RAD9A: variants seen among roughly 807,000 people sequenced by gnomAD.
RAD9A encodes RAD9 checkpoint clamp component A, also known as cell cycle checkpoint control protein RAD9A.
Under a neutral mutation model 41.2 loss-of-function variants are expected in RAD9A, and 25 were observed. That is an observed-to-expected ratio of 0.61 (90% CI 0.44 to 0.85). RAD9A has a LOEUF of 0.85. Ranked by LOEUF, RAD9A falls within the 40% of genes least tolerant of loss-of-function variation. RAD9A has a pLI of 0.00. For missense variants in RAD9A, 514 were observed against 518.3 expected, an observed-to-expected ratio of 0.99 and a Z score of 0.08; for synonymous variants, 252 against 210.6, an observed-to-expected ratio of 1.20 and a Z score of -1.70.
chr11:67,397,630 C>A lies in RAD9A; in HGVS notation c.*71C>A. The A allele has an allele frequency of 7.4e-7, 1 of 1,355,494 alleles. No individual in the cohort carries two copies. Among genetic ancestry groups the A allele is most frequent in the Non-Finnish European group, 1.0e-6 (1 of 979,800 alleles). The allele number at this position is 1,355,494 out of a possible 1,614,324, so 84.0% of individuals were successfully genotyped here. A position where few individuals can be genotyped will look rare whatever the true frequency, so the allele number is the denominator to read the frequency against. On this transcript the variant is annotated 3_prime_UTR_variant, in exon 11 of 11. Transcript: ENST00000307980. ...GCCCCAGCCAGTGGCAGAACTGGGT[C>A]TCTCAGCCCTGGGGATCAGAAAGGT... is the stretch of plus-strand genomic sequence containing the variant.
Position 67,396,136 on chromosome 11 carries a change from C to T in RAD9A, c.695C>T (p.Ala232Val), listed in dbSNP as rs148849003. Residue 232 changes from alanine (A) to valine (V), a missense_variant, in exon 8 of 11, where the codon GCA becomes GTA. Transcript: ENST00000307980. ...GGGCTCCTGAGCTTTGCAGAGTCAGCAAACTTGAATCTTAGCATTCATTTT... is the reference window on the plus strand; with the variant it reads ...GGGCTCCTGAGCTTTGCAGAGTCAGTAAACTTGAATCTTAGCATTCATTTT... ...FRGLLSFAES[A>V]NLNLSIHFDA... The T allele has an allele frequency of 1.1e-4, 184 of 1,614,074 alleles. No homozygotes were observed. The highest frequency in any genetic ancestry group is 8.3e-4 in the South Asian group (76 of 91,080).
chr11:67,396,957 C>T (rs1483980740), intron 9 of RAD9A, among the ~76,000 whole-genome samples: 4 of 152,220 alleles, frequency 2.6e-5, no homozygotes, highest in African/African-American at 9.7e-5. Flanking sequence ...ATGCCTCCCT[C>T]AGGCCCCTAC....
rs932579297 is a variant in RAD9A at position 67,398,020 on chromosome 11, T to C, written c.*461T>C. 5.0e-6 allele frequency: 1 copy of C among 198,730 alleles called. No individual in the cohort carries two copies. The highest frequency in any genetic ancestry group is 1.0e-5 in the Non-Finnish European group (1 of 96,910). 12.3% of individuals were successfully genotyped at this position (198,730 alleles called of 1,614,324 possible). ...CCCCGTGGAGCTGACAAGTTTTCCT[T>C]GCTTTCCTGATACTCTTTGGCGCTG... On this transcript the variant is annotated 3_prime_UTR_variant, in exon 11 of 11. Transcript: ENST00000307980.
At position 67,392,148 on chromosome 11, in the gene RAD9A, C is replaced by T. The variant is rs1251034176; in HGVS notation, c.35-13C>T. The T allele has an allele frequency of 1.2e-6, 2 of 1,610,936 alleles. No homozygotes were observed. Among genetic ancestry groups the T allele is most frequent in the South Asian group, 2.2e-5 (2 of 90,946 alleles). On this transcript the variant is annotated splice_polypyrimidine_tract_variant and intron_variant, in intron 1 of 10. Coordinates refer to ENST00000307980, the MANE Select transcript of RAD9A (RefSeq NM_004584.3). Reference sequence around the variant, plus strand: ...GCCGCCAGCCTAACCCCCTTCCGCTCTTCTCCCCGCAGTGCTCGGCAAGGC... The same window carrying T: ...GCCGCCAGCCTAACCCCCTTCCGCTTTTCTCCCCGCAGTGCTCGGCAAGGC...
At position 67,392,953 on chromosome 11, in the gene RAD9A, G is replaced by A. The variant is rs1259304284; in HGVS notation, c.234+171G>A. On this transcript the variant is annotated intron_variant, in intron 3 of 10. Transcript: ENST00000307980. ...TAAAAGCATCACAGCGGGGACCTGA[G>A]AGGGTGGTGACGCTCAAGTTCGTCA... is the stretch of plus-strand genomic sequence containing the variant. The A allele has an allele frequency of 4.0e-6, 4 of 1,006,296 alleles. No individual in the cohort carries two copies. In the African/African-American group the frequency reaches 6.5e-5, roughly 16 times the overall value. The allele number at this position is 1,006,296 out of a possible 1,614,324, so 62.3% of individuals were successfully genotyped here.
At chr11:67,393,871 T>C in intron 5 of RAD9A, 81 bp downstream of exon 5, 1 of 1,133,638 alleles carries the variant, frequency 8.8e-7, no homozygotes, top group Non-Finnish European at 1.2e-6. Flanking sequence ...TTTTAGAAGG[T>C]ACCTCTTTCA....
intron 5 of RAD9A, chr11:67,395,290 T>C (rs1862648383): frequency 6.0e-6 from 1 of 167,936 alleles, no homozygotes; most frequent in Non-Finnish European, 1.3e-5. Context: ...AGTTTTAGTG[T>C]ATGTGCTGCC....
rs1309872908 is a variant in RAD9A, at chr11:67,393,792, T to C, written c.449+2T>C. 1 of 1,599,858 alleles carries C rather than the reference T, an allele frequency of 6.3e-7. No individual in the cohort carries two copies. The highest frequency in any genetic ancestry group is 1.7e-5 in the Admixed American group (1 of 59,182). ...CCACATGCTCCGCGCCCCAGCACGG[T>C]GAGCACACCCCTGCCCTCAGCTCAG... On this transcript the variant is annotated splice_donor_variant, in intron 5 of 10. Coordinates refer to ENST00000307980, the MANE Select transcript of RAD9A (RefSeq NM_004584.3). LOFTEE classifies it high-confidence loss of function.
Position 67,395,907 on chromosome 11 carries a change from A to G in RAD9A, c.560-5A>G, listed in dbSNP as rs1478395778. 2 of 1,613,918 alleles carry G rather than the reference A, an allele frequency of 1.2e-6. No individual in the cohort carries two copies. The highest frequency in any genetic ancestry group is 8.5e-7 in the Non-Finnish European group (1 of 1,179,994). ...GCCCAGGTTACTCCTGTTCTTCCCCAACAGACAGCACTGCCAAAGCCATGG... is the reference window on the plus strand; with the variant it reads ...GCCCAGGTTACTCCTGTTCTTCCCCGACAGACAGCACTGCCAAAGCCATGG... On this transcript the variant is annotated splice_region_variant and splice_polypyrimidine_tract_variant and intron_variant, in intron 6 of 10. Transcript: ENST00000307980.
At chr11:67,392,569 G>A in intron 2 of RAD9A, 85 bp from the exon 3 acceptor site, 4 of 1,546,164 alleles carry the variant, frequency 2.6e-6, no homozygotes, top group Non-Finnish European at 3.5e-6. Context: ...GGACGATAGG[G>A]CAAGTGTGTG....
intron 9 of RAD9A, among the ~76,000 whole-genome samples, chr11:67,396,692 G>A (rs1266434082): frequency 6.6e-6 from 1 of 152,116 alleles, no homozygotes; most frequent in African/African-American, 2.4e-5. Flanking sequence ...AGGCCAAGGA[G>A]GGAAAGGGCT....
Position 67,397,871 on chromosome 11 carries a change from T to C in RAD9A, c.*312T>C. On this transcript the variant is annotated 3_prime_UTR_variant, in exon 11 of 11. Coordinates refer to ENST00000307980, the MANE Select transcript of RAD9A (RefSeq NM_004584.3). ...CTCCAGCTGGCCAAGGCTGGAAACCTGTCTCCCTCAGGCTCACCTTCCTAA... is the reference window on the plus strand; with the variant it reads ...CTCCAGCTGGCCAAGGCTGGAAACCCGTCTCCCTCAGGCTCACCTTCCTAA... The C allele has an allele frequency of 2.9e-6, 1 of 346,870 alleles. No homozygotes were observed. The highest frequency in any genetic ancestry group is 5.9e-5 in the East Asian group (1 of 16,820). The allele number at this position is 346,870 out of a possible 1,614,324, so 21.5% of individuals were successfully genotyped here. A position where few individuals can be genotyped will look rare whatever the true frequency, so the allele number is the denominator to read the frequency against.
chr11:67,395,638 A>G, intron 5 of RAD9A, 78 bp from the exon 6 acceptor site: 1 of 1,123,198 alleles, frequency 8.9e-7, no homozygotes, highest in South Asian at 1.4e-5. Context: ...TGCATGTGTC[A>G]CCCCCACCTC....
In RAD9A at chr11:67,397,809, T is replaced by G. The variant is rs1036983841; in HGVS notation, c.*250T>G. ...CAGACTTGGCCCTGAACTACTGACG[T>G]TCCTACCTCTTATTTCTCATTGAGC... On this transcript the variant is annotated 3_prime_UTR_variant, in exon 11 of 11. Transcript: ENST00000307980. 2.0e-6 allele frequency: 1 copy of G among 505,410 alleles called. No homozygotes were observed. The highest frequency in any genetic ancestry group is 3.5e-6 in the Non-Finnish European group (1 of 284,446). The allele number at this position is 505,410 out of a possible 1,614,324, so 31.3% of individuals were successfully genotyped here.
At chr11:67,394,086 C>A (rs1035172872) in intron 5 of RAD9A, among the ~76,000 whole-genome samples, 2 of 152,204 alleles carry the variant, frequency 1.3e-5, no homozygotes, top group African/African-American at 4.8e-5. Context: ...CATTCCAACT[C>A]CTCCTCTAGG....
rs764209105 is a variant in RAD9A, at chr11:67,393,588, G to A, written c.327G>A (p.Val109=). ...ISLNGRSSRL[V]VQLHCKFGVR... The stretch of plus-strand genomic sequence containing the variant: ...TGAATGGCCGGAGCAGCCGCCTGGT[G>A]GTCCAGCTGCATTGCAAGTTCGGTG... The change falls in exon 4 of 11, where the codon GTG becomes GTA. Residue 109 remains valine, a synonymous_variant. Coordinates refer to ENST00000307980, the MANE Select transcript of RAD9A (RefSeq NM_004584.3). 1 of 1,614,206 alleles carries A rather than the reference G, an allele frequency of 6.2e-7. No individual in the cohort carries two copies. Among genetic ancestry groups the A allele is most frequent in the South Asian group, 1.1e-5 (1 of 91,088 alleles).
rs567358548 is a variant in RAD9A at position 67,398,373 on chromosome 11, C to T, written c.*814C>T. The T allele has an allele frequency of 1.1e-4, 77 of 711,666 alleles. No individual in the cohort carries two copies. Among genetic ancestry groups the T allele is most frequent in the South Asian group, 1.0e-3 (55 of 52,490 alleles). 44.1% of individuals were successfully genotyped at this position (711,666 alleles called of 1,614,324 possible). On this transcript the variant is annotated 3_prime_UTR_variant, in exon 11 of 11. Transcript: ENST00000307980. Reference sequence around the variant, plus strand: ...CAGGAAGCAGCCCTGGGGGACTGGACGCTGCTATTGATTCATTAAAAAAAG... The same window carrying T: ...CAGGAAGCAGCCCTGGGGGACTGGATGCTGCTATTGATTCATTAAAAAAAG...
chr11:67,392,258 G>GGGGGGGGGCC, intron 2 of RAD9A, 27 bp downstream of exon 2: 3 of 1,319,216 alleles, frequency 2.3e-6, no homozygotes, highest in East Asian at 2.4e-5. Flanking sequence ...TGGGGGGCGG[G>GGGGGGGGGCC]TGGGACTCCA....
rs17886162 is a variant in RAD9A at position 67,397,630 on chromosome 11, C to T, written c.*71C>T. The stretch of plus-strand genomic sequence containing the variant: ...GCCCCAGCCAGTGGCAGAACTGGGT[C>T]TCTCAGCCCTGGGGATCAGAAAGGT... On this transcript the variant is annotated 3_prime_UTR_variant, in exon 11 of 11. Transcript: ENST00000307980. 26 of 1,355,500 alleles carry T rather than the reference C, an allele frequency of 1.9e-5. 2 individuals carry two copies. The African/African-American group carries it at 3.1e-4, about 16-fold the overall frequency. The allele number at this position is 1,355,500 out of a possible 1,614,324, so 84.0% of individuals were successfully genotyped here.
Sources: allele counts gnomAD v4.1 joint callset (sites outside exome capture counted in the v4.1 genomes callset), GRCh38; gene constraint gnomAD v4.1.1; transcripts MANE v1.5; gene names NCBI Gene and HGNC (gene_info 2026-07-23, HGNC 2026-07-21).